The following SPATA1 variants were observed in gnomAD, a reference collection of about 807,000 sequenced individuals.
SPATA1 encodes spermatogenesis-associated protein 1.
Under a neutral mutation model 59.6 loss-of-function variants are expected in SPATA1, and 57 were observed. That is an observed-to-expected ratio of 0.96 (90% confidence interval 0.77 to 1.19). SPATA1 has a LOEUF of 1.19. Ranked by LOEUF, SPATA1 falls within the 50% of genes most tolerant of loss-of-function variation. SPATA1 has a pLI of 0.00. For missense variants in SPATA1, 448 were observed against 480.7 expected (o/e 0.93, Z 0.64); for synonymous variants, 147 against 163.9 (o/e 0.90, Z 0.79).
intron 6 of SPATA1, among the ~76,000 whole-genome samples, chr1:84,531,389 C>G (rs1306142262): frequency 6.6e-6 from 1 of 151,888 alleles, no homozygotes; most frequent in African/African-American, 2.4e-5. Flanking sequence ...TCTTGAACTT[C>G]TGACCTCAAG....
intron 1 of SPATA1, among the ~76,000 whole-genome samples, chr1:84,508,907 A>G (rs1399864153): frequency 6.6e-6 from 1 of 152,210 alleles, no homozygotes; most frequent in African/African-American, 2.4e-5. Context: ...TGATGCAAGA[A>G]ATTGAAGAGG....
intron 6 of SPATA1, among the ~76,000 whole-genome samples, chr1:84,526,684 T>G (rs1404196703): frequency 6.6e-6 from 1 of 151,778 alleles, no homozygotes; most frequent in Admixed American, 6.6e-5. Flanking sequence ...TTGGGCAACA[T>G]GGCAAGACCC....
At chr1:84,507,330 A>G (rs922266980) in intron 1 of SPATA1, 5 of 152,236 alleles carry the variant, frequency 3.3e-5, no homozygotes, top group African/African-American at 1.2e-4. Context: ...AACAGTTTAT[A>G]TCAGTTCGCA....
chr1:84,553,517 A>T (rs937639761), exon 13 of SPATA1: 1 of 152,422 alleles, frequency 6.6e-6, no homozygotes, highest in African/African-American at 2.4e-5. Context: ...ATTTAACTTA[A>T]TTTGTTCATT....
intron 8 of SPATA1, among the ~76,000 whole-genome samples, chr1:84,535,192 A>C (rs1249929350): frequency 6.6e-6 from 1 of 152,116 alleles, no homozygotes; most frequent in Non-Finnish European, 1.5e-5. Context: ...TTTCTGCTCA[A>C]TGATTTTTTT....
intron 10 of SPATA1, 47 bp from the exon 11 acceptor site, chr1:84,548,739 G>A (rs1478338964): frequency 1.0e-5 from 14 of 1,360,992 alleles, no homozygotes; most frequent in Middle Eastern, 2.2e-4. Context: ...ATACTCAAAC[G>A]AAGGCCTTTC....
intron 12 of SPATA1, 183 bp downstream of exon 12, chr1:84,550,713 A>T: frequency 8.5e-7 from 1 of 1,180,636 alleles, no homozygotes; most frequent in Non-Finnish European, 1.1e-6. Flanking sequence ...TAAACCTGTG[A>T]AAAGATACAT....
At chr1:84,552,851 G>T in intron 12 of SPATA1, 1 of 514,028 alleles carries the variant, frequency 1.9e-6, no homozygotes. Context: ...AGATAAGCAT[G>T]CTTATTAAAC....
In SPATA1 at chr1:84,541,051, G is replaced by C. The variant is rs532620979; in HGVS notation, c.718-3151G>C. On this transcript the variant is annotated intron_variant, in intron 8 of 12. Coordinates refer to ENST00000490879, the Ensembl canonical transcript of SPATA1. ...TTCTTGTAAACGTTGCACTACTGAT[G>C]TCTTGCTTTATATGTTACTATTTAG... Among the ~76,000 whole-genome samples, 4 of 152,290 alleles carry C rather than the reference G, an allele frequency of 2.6e-5. No homozygotes were observed. In the East Asian group the frequency reaches 7.7e-4, roughly 29 times the overall value.
downstream of SPATA1, chr1:84,554,875 T>G (rs1279808857): frequency 1.1e-5 from 8 of 735,720 alleles, no homozygotes; most frequent in Non-Finnish European, 1.7e-5. Context: ...ATCAAAACAT[T>G]TATTTATTCT....
intron 9 of SPATA1, 84 bp downstream of exon 9, chr1:84,544,388 T>G: frequency 9.6e-7 from 1 of 1,040,118 alleles, no homozygotes; most frequent in Non-Finnish European, 1.4e-6. Flanking sequence ...TTAATGGGTA[T>G]AGAGTTTCAG....
At position 84,544,323 on chromosome 1, in the gene SPATA1, T is replaced by C; in HGVS notation, c.820+19T>C. The C allele has an allele frequency of 2.0e-6, 3 of 1,504,526 alleles. No homozygotes were observed. Among genetic ancestry groups the C allele is most frequent in the Non-Finnish European group, 2.7e-6 (3 of 1,102,246 alleles). The allele number at this position is 1,504,526 out of a possible 1,614,324, so 93.2% of individuals were successfully genotyped here. On this transcript the variant is annotated intron_variant, in intron 9 of 12. Coordinates refer to ENST00000490879, the Ensembl canonical transcript of SPATA1. ...ACTGAAAGTAAGTATAGTGCAATCGTAAGTACAGATGATTCTGTGAGGTAA... is the reference window on the plus strand; with the variant it reads ...ACTGAAAGTAAGTATAGTGCAATCGCAAGTACAGATGATTCTGTGAGGTAA...
chr1:84,508,192 G>A (rs968819245), intron 1 of SPATA1, among the ~76,000 whole-genome samples: 1 of 151,864 alleles, frequency 6.6e-6, no homozygotes, highest in African/African-American at 2.4e-5. Context: ...CTTGATGCAG[G>A]AGATTCGCTT....
intron 8 of SPATA1, among the ~76,000 whole-genome samples, chr1:84,541,191 T>C (rs1325221290): frequency 6.6e-6 from 1 of 152,248 alleles, no homozygotes; most frequent in Non-Finnish European, 1.5e-5. Context: ...CAGTTGAGAA[T>C]TGTAGGTCAG....
chr1:84,566,012 C>A, exon 5 of SPATA1: 1 of 1,514,974 alleles, frequency 6.6e-7, no homozygotes, highest in South Asian at 1.4e-5. Context: ...TCAAAGGTTA[C>A]CTGTGGAAAA....
At chr1:84,541,568 T>G (rs1232054198) in intron 8 of SPATA1, among the ~76,000 whole-genome samples, 2 of 152,196 alleles carry the variant, frequency 1.3e-5, no homozygotes, top group South Asian at 2.1e-4. Flanking sequence ...AATTTTCATT[T>G]CACACCTTCC....
chr1:84,527,887 T>C (rs996087479), intron 6 of SPATA1, among the ~76,000 whole-genome samples: 2 of 152,050 alleles, frequency 1.3e-5, no homozygotes, highest in African/African-American at 4.8e-5. Context: ...CACACCACCA[T>C]GTCCAGCTAA....
At chr1:84,509,107 A>G (rs1207982023) in intron 1 of SPATA1, among the ~76,000 whole-genome samples, 1 of 152,170 alleles carries the variant, frequency 6.6e-6, no homozygotes, top group African/African-American at 2.4e-5. Flanking sequence ...CAGAGTCACC[A>G]AAGTTACCCT....
chr1:84,552,782 C>G (rs549696012), intron 12 of SPATA1: 1 of 289,970 alleles, frequency 3.4e-6, no homozygotes, highest in African/African-American at 2.2e-5. Flanking sequence ...TAGAACAGTT[C>G]AATTGTATTG....
Sources: gnomAD v4.1 joint callset for allele counts (sites outside exome capture counted in the v4.1 genomes callset) on GRCh38, gnomAD v4.1.1 for gene constraint, MANE v1.5 for transcripts, NCBI Gene and HGNC (gene_info 2026-07-23, HGNC 2026-07-21) for gene names.